Variants in DPYSL4 observed in about 807,000 individuals in gnomAD.
The protein encoded by DPYSL4 is dihydropyrimidinase-related protein 4.
DPYSL4 carries 43 observed loss-of-function variants against 63.4 expected under a neutral mutation model. The ratio of observed to expected loss-of-function variants is 0.68; its 90% CI spans 0.53 to 0.88. DPYSL4 has a LOEUF of 0.88. DPYSL4 is among the 40% of genes least tolerant of loss of function. DPYSL4 has a pLI of 0.00. For synonymous variants in DPYSL4, 353 were observed against 331.7 expected (o/e 1.06, Z -0.70); for missense variants, 733 against 819.5 (o/e 0.89, Z 1.29).
Position 132,192,438 on chromosome 10 carries a change from G to T in DPYSL4, c.129-220G>T, listed in dbSNP as rs944798137. ...TGGAAAACCACAGGGCGTGGCGTCT[G>T]CGTGAGGCTGGACCCTGCAGTGACC... On this transcript the variant is annotated intron_variant, in intron 2 of 13. Transcript: ENST00000338492. 36 of 1,204,154 alleles carry T rather than the reference G, an allele frequency of 3.0e-5. No homozygotes were observed. In the Admixed American group the frequency reaches 1.0e-3, roughly 33 times the overall value. 74.6% of individuals were successfully genotyped at this position (1,204,154 alleles called of 1,614,324 possible).
In DPYSL4 at chr10:132,198,396, A is replaced by G; in HGVS notation, c.622-19A>G. The stretch of plus-strand genomic sequence containing the variant: ...CTCCCTTCAGGGCTTGGAGCGAGGC[A>G]TCCTGTTGGTTTCTTTAGGAGCAGA... On this transcript the variant is annotated intron_variant, in intron 6 of 13. Transcript: ENST00000338492. 6.2e-7 allele frequency: 1 copy of G among 1,600,628 alleles called. No homozygotes were observed. The highest frequency in any genetic ancestry group is 8.5e-7 in the Non-Finnish European group (1 of 1,174,968).
intron 1 of DPYSL4, among the ~76,000 whole-genome samples, chr10:132,187,319 C>T (rs1300390558): frequency 9.4e-5 from 10 of 105,824 alleles, no homozygotes; most frequent in Non-Finnish European, 1.6e-4. Context: ...AGGAGCGGGG[C>T]GCCCAGGCCC....
At position 132,195,017 on chromosome 10, in the gene DPYSL4, T is replaced by TGGCTGGAGG. The variant is rs747281402; in HGVS notation, c.478+19_478+27dup. 12 of 1,575,628 alleles carry TGGCTGGAGG rather than the reference T, an allele frequency of 7.6e-6. No individual in the cohort carries two copies. The highest frequency in any genetic ancestry group is 3.4e-5 in the Admixed American group (2 of 59,326). On this transcript the variant is annotated intron_variant, in intron 4 of 13. Transcript: ENST00000338492. The stretch of plus-strand genomic sequence containing the variant: ...CCCTGGTCAAGGAGAAGGGTGAGGG[T>TGGCTGGAGG]GGCTGGAGGGGCTGGAGGGCGGGCA...
chr10:132,200,703 A>C, intron 9 of DPYSL4, 139 bp from the exon 10 acceptor site: 8 of 1,373,650 alleles, frequency 5.8e-6, no homozygotes, highest in Non-Finnish European at 6.8e-6. Flanking sequence ...TCCCCTGCAC[A>C]GAGGCACCAG....
At chr10:132,203,635 TG>T in intron 12 of DPYSL4, 126 bp from the exon 13 acceptor site, 2 of 903,880 alleles carry the variant, frequency 2.2e-6, no homozygotes, top group Non-Finnish European at 1.6e-6. Flanking sequence ...AAGCTGGCAC[TG>T]GAGAGGCGCA....
chr10:132,186,994 T>TCCGCCCCCCCCCCCCCC lies in DPYSL4; in HGVS notation c.-68_-67insGCCCCCCCCCCCCCCCC. 2.8e-5 allele frequency: 6 copies of TCCGCCCCCCCCCCCCCC among 217,370 alleles called. No homozygotes were observed. Among genetic ancestry groups the TCCGCCCCCCCCCCCCCC allele is most frequent in the Non-Finnish European group, 5.5e-5 (6 of 109,622 alleles). 13.5% of individuals were successfully genotyped at this position (217,370 alleles called of 1,614,324 possible). On this transcript the variant is annotated 5_prime_UTR_variant, in exon 1 of 14. Coordinates refer to ENST00000338492, the MANE Select transcript of DPYSL4 (RefSeq NM_006426.3). ...CCACGCACGCGTCCCGGCTCACGCG[T>TCCGCCCCCCCCCCCCCC]CCCCCCGCCCGCCCGCCCGCCCGCC...
intron 3 of DPYSL4, among the ~76,000 whole-genome samples, chr10:132,193,627 C>T (rs368143826): frequency 4.6e-5 from 7 of 152,242 alleles, no homozygotes; most frequent in East Asian, 1.9e-4. Context: ...TGGTTGAGAA[C>T]GGGTCTGAGG....
At chr10:132,200,771 G>T in intron 9 of DPYSL4, 71 bp from the exon 10 acceptor site, 2 of 1,562,134 alleles carry the variant, frequency 1.3e-6, no homozygotes, top group East Asian at 2.3e-5. Flanking sequence ...TGCTGGCCAA[G>T]GGGGCTGGAG....
At chr10:132,193,577 T>A (rs747228525) in intron 3 of DPYSL4, among the ~76,000 whole-genome samples, 2 of 152,224 alleles carry the variant, frequency 1.3e-5, no homozygotes, top group Non-Finnish European at 2.9e-5. Context: ...TTGGGTGCCA[T>A]TCACTCTGCG....
intron 7 of DPYSL4, 55 bp downstream of exon 7, chr10:132,198,538 T>C (rs1590100336): frequency 1.3e-6 from 2 of 1,500,632 alleles, no homozygotes; most frequent in East Asian, 4.8e-5. Context: ...AGACCACTGC[T>C]GCCTGGGGCT....
intron 1 of DPYSL4, among the ~76,000 whole-genome samples, chr10:132,189,967 C>A (rs2061852490): frequency 6.6e-6 from 1 of 152,246 alleles, no homozygotes; most frequent in Non-Finnish European, 1.5e-5. Flanking sequence ...CCCTCGGCCT[C>A]CTCCCAGGTC....
chr10:132,193,842 G>A lies in DPYSL4; in HGVS notation c.313+1000G>A, dbSNP rs201161818. Reference sequence around the variant, plus strand: ...AGCTCTGAGGACCCTGAAACACCTCGCGGGACATTTAGCCATTACCAAATC... The same window carrying A: ...AGCTCTGAGGACCCTGAAACACCTCACGGGACATTTAGCCATTACCAAATC... On this transcript the variant is annotated intron_variant, in intron 3 of 13. Coordinates refer to ENST00000338492, the MANE Select transcript of DPYSL4 (RefSeq NM_006426.3). Among the ~76,000 whole-genome samples the A allele has an allele frequency of 9.2e-5, 14 of 152,344 alleles. No individual in the cohort carries two copies. In the East Asian group the frequency reaches 1.3e-3, roughly 15 times the overall value.
chr10:132,202,824 G>T lies in DPYSL4; in HGVS notation c.1460G>T (p.Arg487Met). 6.3e-7 allele frequency: 1 copy of T among 1,588,160 alleles called. No homozygotes were observed. ...TACAAGAGGATCAAAGCTCGCAACA[G>T]GGTAGGGCGGCACCCGCAAGGGTGT... ...FVYKRIKARNRLAEIHGVPRG... is the reference protein window; with the variant it reads ...FVYKRIKARNMLAEIHGVPRG... Residue 487 changes from arginine to methionine, a missense_variant and splice_region_variant, in exon 12 of 14, where the codon AGG becomes ATG. Arg to Met is a moderately conservative substitution (Grantham distance 91, BLOSUM62 -1). Coordinates refer to ENST00000338492, the MANE Select transcript of DPYSL4 (RefSeq NM_006426.3).
At position 132,201,963 on chromosome 10, in the gene DPYSL4, C is replaced by T. The variant is rs752070935; in HGVS notation, c.1128C>T (p.Asp376=). The T allele has an allele frequency of 7.4e-6, 12 of 1,612,620 alleles. No homozygotes were observed. Among genetic ancestry groups the T allele is most frequent in the Middle Eastern group, 1.6e-4 (1 of 6,062 alleles). Reference sequence around the variant, plus strand: ...TTCCCCAGGCCTCTGGGAAGATGGACGAGAATGAGTTCGTCGCGGTGACCA... The same window carrying T: ...TTCCCCAGGCCTCTGGGAAGATGGATGAGAATGAGTTCGTCGCGGTGACCA... ...WEKCVASGKM[D]ENEFVAVTST... Residue 376 remains aspartate, a synonymous_variant, in exon 11 of 14, where the codon GAC becomes GAT. Coordinates refer to ENST00000338492, the MANE Select transcript of DPYSL4 (RefSeq NM_006426.3).
At chr10:132,201,033 G>C (rs780393396) in intron 10 of DPYSL4, 50 bp downstream of exon 10, 1 of 1,598,140 alleles carries the variant, frequency 6.3e-7, no homozygotes, top group Non-Finnish European at 8.5e-7. Context: ...GGCTGTGGGC[G>C]GGATTGTGAT....
chr10:132,202,521 G>C, intron 11 of DPYSL4, 125 bp from the exon 12 acceptor site: 1 of 1,238,892 alleles, frequency 8.1e-7, no homozygotes, highest in South Asian at 1.5e-5. Flanking sequence ...ATCTTGCTAG[G>C]GGCTCAGTGT....
At chr10:132,202,865 G>A in intron 12 of DPYSL4, 40 bp downstream of exon 12, 1 of 1,553,608 alleles carries the variant, frequency 6.4e-7, no homozygotes, top group Non-Finnish European at 8.7e-7. Context: ...AGGTAGGCAG[G>A]TGGGCGCTGA....
chr10:132,194,867 G>A lies in DPYSL4; in HGVS notation c.336G>A (p.Thr112=), dbSNP rs1244689254. ...CAGTGGACCACGTCTTCCCCGACACGGGTGTGAGCCTGCTGGCGGCCTACG... is the reference window on the plus strand; with the variant it reads ...CAGTGGACCACGTCTTCCCCGACACAGGTGTGAGCCTGCTGGCGGCCTACG... ...TMILDHVFPD[T]GVSLLAAYEQ... is the part of the protein sequence containing the mutation. Residue 112 remains threonine, a synonymous_variant, in exon 4 of 14, where the codon ACG becomes ACA. Transcript: ENST00000338492. 7 of 1,612,734 alleles carry A rather than the reference G, an allele frequency of 4.3e-6. No homozygotes were observed. The highest frequency in any genetic ancestry group is 1.1e-5 in the South Asian group (1 of 91,036).
chr10:132,192,677 A>C lies in DPYSL4; in HGVS notation c.148A>C (p.Ile50Leu). The C allele has an allele frequency of 1.2e-6, 2 of 1,606,432 alleles. No homozygotes were observed. Among genetic ancestry groups the C allele is most frequent in the Non-Finnish European group, 1.7e-6 (2 of 1,176,894 alleles). Reference protein sequence around the residue: ...GLIKQIGENLIVPGGIKTIDA... With the variant: ...GLIKQIGENLLVPGGIKTIDA... ...TTTCAGACAAATCGGAGAAAACCTCATCGTCCCTGGGGGCATCAAGACCAT... is the reference window on the plus strand; with the variant it reads ...TTTCAGACAAATCGGAGAAAACCTCCTCGTCCCTGGGGGCATCAAGACCAT... The change falls in exon 3 of 14, where the codon ATC (isoleucine) becomes CTC (leucine). Residue 50 changes from isoleucine to leucine, a missense_variant. Transcript: ENST00000338492.
Sources: allele counts gnomAD v4.1 joint callset (sites outside exome capture counted in the v4.1 genomes callset), GRCh38; gene constraint gnomAD v4.1.1; transcripts MANE v1.5; gene names NCBI Gene and HGNC (gene_info 2026-07-23, HGNC 2026-07-21).